Variants in GRIK4 observed in about 807,000 individuals in gnomAD.
GRIK4 encodes glutamate receptor ionotropic, kainate 4.
Under a neutral mutation model 104.9 loss-of-function variants are expected in GRIK4, and 40 were observed. The ratio of observed to expected loss-of-function variants is 0.38; its 90% confidence interval spans 0.30 to 0.50. The LOEUF (loss-of-function observed/expected upper bound fraction) is 0.50. Ranked by LOEUF, GRIK4 falls within the 20% of genes least tolerant of loss-of-function variation. The probability of loss-of-function intolerance (pLI) is 0.93; values close to 1 mark genes in which losing one functional copy is unlikely to be tolerated. For missense variants in GRIK4, 1,047 were observed against 1,308.1 expected (o/e 0.80, Z 3.08); for synonymous variants, 485 against 524.9 (o/e 0.92, Z 1.04).
chr11:120,584,362 G>T (rs563009423), intron 1 of GRIK4, among the ~76,000 whole-genome samples: 33 of 152,286 alleles, frequency 2.2e-4, no homozygotes, highest in Admixed American at 1.3e-3. Context: ...GGTTTAATTG[G>T]CTCACAGATC....
At chr11:120,730,560 G>A (rs1220885866) in intron 3 of GRIK4, among the ~76,000 whole-genome samples, 1 of 146,350 alleles carries the variant, frequency 6.8e-6, no homozygotes, top group African/African-American at 2.5e-5. Flanking sequence ...GGTCTTTTGT[G>A]GTTCCATATA....
intron 3 of GRIK4, among the ~76,000 whole-genome samples, chr11:120,712,908 T>A (rs1950764245): frequency 6.6e-6 from 1 of 152,224 alleles, no homozygotes; most frequent in African/African-American, 2.4e-5. Flanking sequence ...TTTACCCGTG[T>A]CACTAGCCTG....
chr11:120,880,383 T>C (rs578193621), intron 11 of GRIK4, among the ~76,000 whole-genome samples: 2 of 152,354 alleles, frequency 1.3e-5, no homozygotes, highest in Admixed American at 1.3e-4. Flanking sequence ...AGGAGAGCTA[T>C]TCTGTCAGCT....
At chr11:120,632,559 A>T (rs1030022167) in intron 1 of GRIK4, among the ~76,000 whole-genome samples, 1 of 152,092 alleles carries the variant, frequency 6.6e-6, no homozygotes, top group Non-Finnish European at 1.5e-5. Flanking sequence ...TATGAGATAT[A>T]GAAGTCTAAC....
intron 1 of GRIK4, among the ~76,000 whole-genome samples, chr11:120,527,652 A>T (rs1432259859): frequency 6.6e-6 from 1 of 152,224 alleles, no homozygotes; most frequent in East Asian, 1.9e-4. Context: ...GATGTGGCTG[A>T]GCCAGACAGC....
chr11:120,940,488 T>C lies in GRIK4; in HGVS notation c.1590+28T>C, dbSNP rs1943698121. On this transcript the variant is annotated intron_variant, in intron 14 of 20. Transcript: ENST00000527524. This position sits in a 1 kb window ranked among gnomAD's most constrained non-coding sequence, Gnocchi z 4.3. ...AAGAGACTTATTTTATAAGCATTTA[T>C]GTCATTAAAGTTATTTGCATGCAAA... The C allele has an allele frequency of 5.5e-6, 7 of 1,278,642 alleles. No individual in the cohort carries two copies. Among genetic ancestry groups the C allele is most frequent in the East Asian group, 2.3e-5 (1 of 43,356 alleles). 79.2% of individuals were successfully genotyped at this position (1,278,642 alleles called of 1,614,324 possible).
chr11:120,971,081 G>A (rs897333145), intron 19 of GRIK4, among the ~76,000 whole-genome samples: 10 of 152,154 alleles, frequency 6.6e-5, no homozygotes, highest in African/African-American at 2.2e-4. Flanking sequence ...TTATGGCAAC[G>A]AATTTTATTC....
At chr11:120,594,815 G>A (rs574215480) in intron 1 of GRIK4, among the ~76,000 whole-genome samples, 2 of 152,350 alleles carry the variant, frequency 1.3e-5, no homozygotes, top group Non-Finnish European at 2.9e-5. Flanking sequence ...ATTGGGGTAA[G>A]TGGTGGGACT....
At position 120,905,539 on chromosome 11, in the gene GRIK4, G is replaced by GGGGTGGGGGGGA; in HGVS notation, c.1476+46_1476+47insGGGTGGGGGGGA. ...CTGGGCCTGAGGGTGGGCTGGGAGG[G>GGGGTGGGGGGGA]ATTGGAAGAGCATGAGGTTGTGCTG... On this transcript the variant is annotated intron_variant, in intron 13 of 20. Coordinates refer to ENST00000527524, the MANE Select transcript of GRIK4 (RefSeq NM_014619.5). The surrounding 1 kb of genome is among the most constrained non-coding windows in gnomAD (Gnocchi z 5.1). The GGGGTGGGGGGGA allele has an allele frequency of 2.0e-6, 1 of 503,048 alleles. No individual in the cohort carries two copies. The highest frequency in any genetic ancestry group is 4.0e-6 in the Non-Finnish European group (1 of 248,896). The allele number at this position is 503,048 out of a possible 1,614,324, so 31.2% of individuals were successfully genotyped here.
At chr11:120,803,994 T>G (rs905761589) in intron 4 of GRIK4, among the ~76,000 whole-genome samples, 1 of 152,174 alleles carries the variant, frequency 6.6e-6, no homozygotes, top group African/African-American at 2.4e-5. Context: ...GTGTGCCCAG[T>G]GCAGTCCATG....
At chr11:120,686,831 C>T (rs1489923327) in intron 3 of GRIK4, among the ~76,000 whole-genome samples, 1 of 152,180 alleles carries the variant, frequency 6.6e-6, no homozygotes, top group Non-Finnish European at 1.5e-5. Flanking sequence ...GGCAGAGCAG[C>T]GGAAAAAGCT....
chr11:120,728,168 A>G (rs1304590339), intron 3 of GRIK4, among the ~76,000 whole-genome samples: 3 of 152,182 alleles, frequency 2.0e-5, no homozygotes, highest in South Asian at 4.1e-4. Context: ...TACTTTGGAC[A>G]TCTAAGCTAA....
intron 1 of GRIK4, among the ~76,000 whole-genome samples, chr11:120,611,736 T>G (rs1238622126): frequency 6.6e-6 from 1 of 152,232 alleles, no homozygotes; most frequent in African/African-American, 2.4e-5. Context: ...CTCCCCCATC[T>G]GCCTATAAGC....
intron 3 of GRIK4, among the ~76,000 whole-genome samples, chr11:120,718,479 G>A (rs1326322202): frequency 2.6e-5 from 4 of 152,274 alleles, no homozygotes; most frequent in South Asian, 4.2e-4. Context: ...GATTGGTGTC[G>A]CTGGATAATA....
intron 1 of GRIK4, among the ~76,000 whole-genome samples, chr11:120,641,432 A>C (rs1949470955): frequency 6.6e-6 from 1 of 152,026 alleles, no homozygotes; most frequent in South Asian, 2.1e-4. Flanking sequence ...AATGCAGCCC[A>C]CATGGCTGAG....
intron 1 of GRIK4, among the ~76,000 whole-genome samples, chr11:120,575,444 A>G (rs372434859): frequency 5.3e-5 from 8 of 151,936 alleles, no homozygotes; most frequent in African/African-American, 1.7e-4. Context: ...CTCACCATCT[A>G]TCTTCCAGGC....
At chr11:120,839,341 C>T (rs1953658607) in intron 8 of GRIK4, among the ~76,000 whole-genome samples, 1 of 152,198 alleles carries the variant, frequency 6.6e-6, no homozygotes, top group Admixed American at 6.5e-5. Context: ...TGGACCTTGG[C>T]ATTAGGTACT....
rs189680440 is a variant in GRIK4, at chr11:120,561,343, G to A, written c.-159+49456G>A. Among the ~76,000 whole-genome samples, 398 of 152,338 alleles carry A rather than the reference G, an allele frequency of 2.6e-3. 5 individuals carry two copies. The highest frequency in any genetic ancestry group is 8.6e-3 in the African/African-American group (359 of 41,566). ...CTAGAAGATATTTCTGCATCAAGGCGCCTGCTACTGGGCTTTGAGCTTTCC... is the reference window on the plus strand; with the variant it reads ...CTAGAAGATATTTCTGCATCAAGGCACCTGCTACTGGGCTTTGAGCTTTCC... On this transcript the variant is annotated intron_variant, in intron 1 of 20. Transcript: ENST00000527524.
At chr11:120,782,792 T>C (rs1565348918) in intron 3 of GRIK4, among the ~76,000 whole-genome samples, 1 of 152,158 alleles carries the variant, frequency 6.6e-6, no homozygotes, top group Non-Finnish European at 1.5e-5. Context: ...CCGGTGGTTC[T>C]AAGCTGGGGG....
Sources: gnomAD v4.1 joint callset for allele counts (sites outside exome capture counted in the v4.1 genomes callset) on GRCh38, gnomAD v4.1.1 for gene constraint, Gnocchi (gnomAD v3.1) non-coding constraint, MANE v1.5 for transcripts, NCBI Gene and HGNC (gene_info 2026-07-23, HGNC 2026-07-21) for gene names.